The following ATP2C2 variants were observed in gnomAD, a reference collection of about 807,000 sequenced individuals.
The protein encoded by ATP2C2 is calcium-transporting ATPase type 2C member 2.
Under a neutral mutation model 110.8 loss-of-function variants are expected in ATP2C2, and 171 were observed. The observed-to-expected ratio is 1.54, with a 90% CI of 1.36 to 1.75. ATP2C2 has a LOEUF of 1.75. Among genes scored for constraint, ATP2C2 ranks in the 40% most tolerant of loss-of-function variants. The pLI, the probability that ATP2C2 is intolerant of heterozygous loss-of-function variation, is 0.00. For synonymous variants in ATP2C2, 804 were observed against 508.4 expected (o/e 1.58, Z -7.82); for missense variants, 1,963 against 1,235.0 (o/e 1.59, Z -8.84).
Position 84,400,329 on chromosome 16 carries a change from G to GTTT in ATP2C2, c.210+1722_210+1723insTTT, listed in dbSNP as rs112134569. ...ATAATAGTTGTATTTTTAGTTTTTTGTTGTTTTTTTTTTTTGAGATGGAGT... is the reference window on the plus strand; with the variant it reads ...ATAATAGTTGTATTTTTAGTTTTTTGTTTTTGTTTTTTTTTTTTGAGATGGAGT... On this transcript the variant is annotated intron_variant, in intron 2 of 26. Coordinates refer to ENST00000262429, the MANE Select transcript of ATP2C2 (RefSeq NM_014861.4). 1.0e-4 allele frequency among the ~76,000 whole-genome samples: 14 copies of GTTT among 136,412 alleles called. 3 individuals carry two copies. The highest frequency in any genetic ancestry group is 2.5e-4 in the African/African-American group (9 of 36,466). The allele number at this position is 136,412 out of a possible 152,430, so 89.5% of individuals were successfully genotyped here. A position where few individuals can be genotyped will look rare whatever the true frequency, so the allele number is the denominator to read the frequency against.
intron 2 of ATP2C2, among the ~76,000 whole-genome samples, chr16:84,400,925 C>G (rs1343873853): frequency 1.3e-5 from 2 of 152,132 alleles, no homozygotes; most frequent in Non-Finnish European, 2.9e-5. Flanking sequence ...ATTAGGTTTT[C>G]TCCTATAGAG....
At position 84,446,309 on chromosome 16, in the gene ATP2C2, G is replaced by T; in HGVS notation, c.1402-20G>T. ...TGGCTTCGGATGACTCACTAAAAAT[G>T]TGTCATTTTATTATGCTAGATGGAC... On this transcript the variant is annotated intron_variant, in intron 15 of 26. Transcript: ENST00000262429. The T allele has an allele frequency of 6.8e-7, 1 of 1,477,254 alleles. No homozygotes were observed. The highest frequency in any genetic ancestry group is 9.2e-7 in the Non-Finnish European group (1 of 1,082,360). 91.5% of individuals were successfully genotyped at this position (1,477,254 alleles called of 1,614,324 possible).
At chr16:84,425,840 G>T (rs755436415) in intron 11 of ATP2C2, 39 bp downstream of exon 11, 20 of 1,603,592 alleles carry the variant, frequency 1.2e-5, no homozygotes, top group Admixed American at 1.7e-5. Flanking sequence ...TGCCAGGGTG[G>T]TCAATGGGCT....
intron 9 of ATP2C2, among the ~76,000 whole-genome samples, 173 bp downstream of exon 9, chr16:84,422,870 G>A (rs553849921): frequency 6.6e-6 from 1 of 151,508 alleles, no homozygotes; most frequent in African/African-American, 2.4e-5. Flanking sequence ...TCGCCATGTT[G>A]CCCAGGCTGG....
At chr16:84,437,372 A>G (rs1315758134) in intron 11 of ATP2C2, among the ~76,000 whole-genome samples, 3 of 151,496 alleles carry the variant, frequency 2.0e-5, no homozygotes, top group African/African-American at 4.8e-5. Flanking sequence ...TTATATATAC[A>G]TATGTATATA....
chr16:84,427,548 C>G (rs749157250), intron 11 of ATP2C2, among the ~76,000 whole-genome samples: 2 of 152,112 alleles, frequency 1.3e-5, no homozygotes, highest in Non-Finnish European at 1.5e-5. Context: ...GAAACCCTGT[C>G]TCTACTAAAA....
intron 6 of ATP2C2, among the ~76,000 whole-genome samples, chr16:84,413,523 G>A (rs1369078060): frequency 6.6e-6 from 1 of 152,174 alleles, no homozygotes; most frequent in Admixed American, 6.6e-5. Context: ...ATCCAGACAT[G>A]TGACATCATT....
At chr16:84,402,934 C>G (rs993826077) in intron 2 of ATP2C2, among the ~76,000 whole-genome samples, 1 of 152,134 alleles carries the variant, frequency 6.6e-6, no homozygotes, top group East Asian at 1.9e-4. Context: ...AACCGGAAGA[C>G]TTTTTATTAT....
chr16:84,424,594 T>C (rs1018161268), intron 10 of ATP2C2, among the ~76,000 whole-genome samples: 1 of 104,286 alleles, frequency 9.6e-6, no homozygotes, highest in Admixed American at 9.7e-5. Flanking sequence ...TTTTTTTTTT[T>C]TTTTTAACAT....
chr16:84,387,051 G>T (rs1285100449), intron 1 of ATP2C2, among the ~76,000 whole-genome samples: 1 of 152,140 alleles, frequency 6.6e-6, no homozygotes, highest in East Asian at 1.9e-4. Context: ...GGGGTTGGGG[G>T]TGCAGATCTG....
intron 1 of ATP2C2, among the ~76,000 whole-genome samples, chr16:84,371,243 G>A (rs906186064): frequency 3.9e-5 from 6 of 152,178 alleles, no homozygotes; most frequent in Admixed American, 2.6e-4. Context: ...TGAGCCGGGC[G>A]CAGTGGCTCA....
chr16:84,370,793 G>A (rs1909909412), intron 1 of ATP2C2, among the ~76,000 whole-genome samples: 1 of 152,040 alleles, frequency 6.6e-6, no homozygotes, highest in South Asian at 2.1e-4. Context: ...CCTGTAGGAG[G>A]CCTCTAAGCC....
chr16:84,398,569 C>T lies in ATP2C2; in HGVS notation c.170C>T (p.Ala57Val), dbSNP rs780617194. ...KKVTALPPKEACKCQKEDLAR... is the reference protein window; with the variant it reads ...KKVTALPPKEVCKCQKEDLAR... ...GTGACAGCCCTGCCCCCCAAGGAAG[C>T]GTGCAAATGCCAGAAAGAGGATTTG... Residue 57 changes from alanine to valine, a missense_variant, in exon 2 of 27, where the codon GCG becomes GTG. Physicochemically the swap from Ala to Val is moderately conservative, Grantham distance 64. Transcript: ENST00000262429. 85 of 1,612,708 alleles carry T rather than the reference C, an allele frequency of 5.3e-5. No homozygotes were observed. The highest frequency in any genetic ancestry group is 6.8e-5 in the Non-Finnish European group (80 of 1,179,476).
intron 11 of ATP2C2, among the ~76,000 whole-genome samples, chr16:84,436,544 A>G (rs571115885): frequency 3.7e-4 from 56 of 152,174 alleles, no homozygotes; most frequent in Non-Finnish European, 6.9e-4. Context: ...GGTATCTCAG[A>G]TAACAGAAAC....
chr16:84,460,279 G>A (rs1056883470), intron 23 of ATP2C2: 3 of 304,262 alleles, frequency 9.9e-6, no homozygotes, highest in African/African-American at 6.5e-5. Context: ...CTGGAGGCTG[G>A]TCTCTCTCAG....
At chr16:84,412,696 C>CA (rs1906483078) in intron 6 of ATP2C2, among the ~76,000 whole-genome samples, 1 of 152,070 alleles carries the variant, frequency 6.6e-6, no homozygotes. Context: ...GAAATGATTT[C>CA]AAAAAAGGCC....
In ATP2C2 at chr16:84,423,198, C is replaced by T; in HGVS notation, c.854C>T (p.Thr285Ile). The change falls in exon 10 of 27, where the codon ACT (threonine) becomes ATT (isoleucine). Residue 285 changes from threonine to isoleucine, a missense_variant. Coordinates refer to ENST00000262429, the MANE Select transcript of ATP2C2 (RefSeq NM_014861.4). ...KMMQAEETPKTPLQKSMDRLG... is the reference protein window; with the variant it reads ...KMMQAEETPKIPLQKSMDRLG... ...TGCTCACCCTTTCAGACACCTAAAA[C>T]TCCTTTGCAGAAAAGCATGGACAGG... 1 of 1,614,092 alleles carries T rather than the reference C, an allele frequency of 6.2e-7. No individual in the cohort carries two copies. The highest frequency in any genetic ancestry group is 8.5e-7 in the Non-Finnish European group (1 of 1,179,966).
intron 1 of ATP2C2, among the ~76,000 whole-genome samples, chr16:84,378,262 A>G (rs1377209385): frequency 6.6e-6 from 1 of 151,976 alleles, no homozygotes; most frequent in Non-Finnish European, 1.5e-5. Context: ...TAGGGGAAGG[A>G]GTGTTGGTCT....
rs2150546007 is a variant in ATP2C2, at chr16:84,423,218, G to C, written c.874G>C (p.Asp292His). The stretch of plus-strand genomic sequence containing the variant: ...TAAAACTCCTTTGCAGAAAAGCATG[G>C]ACAGGCTAGGAAAGCAACTGACACT... ...TPKTPLQKSM[D>H]RLGKQLTLFS... Residue 292 changes from aspartate (D) to histidine (H), a missense_variant, in exon 10 of 27, where the codon GAC (aspartate) becomes CAC (histidine). Physicochemically the swap from Asp to His is moderately conservative, Grantham distance 81. Coordinates refer to ENST00000262429, the MANE Select transcript of ATP2C2 (RefSeq NM_014861.4). 1.2e-6 allele frequency: 2 copies of C among 1,614,124 alleles called. No individual in the cohort carries two copies. The highest frequency in any genetic ancestry group is 8.5e-7 in the Non-Finnish European group (1 of 1,180,002).
Sources: gnomAD v4.1 joint callset for allele counts (sites outside exome capture counted in the v4.1 genomes callset) on GRCh38, gnomAD v4.1.1 for gene constraint, MANE v1.5 for transcripts, NCBI Gene and HGNC (gene_info 2026-07-23, HGNC 2026-07-21) for gene names.